The following GRIN2B variants were observed in gnomAD, a reference collection of about 807,000 sequenced individuals.
GRIN2B encodes glutamate receptor ionotropic, NMDA 2B.
Under a neutral mutation model 114.5 loss-of-function variants are expected in GRIN2B, and 5 were observed. That is an observed-to-expected ratio of 0.04 (90% CI 0.02 to 0.09). GRIN2B has a LOEUF of 0.09. Ranked by LOEUF, GRIN2B falls within the 10% of genes least tolerant of loss-of-function variation. GRIN2B has a pLI of 1.00. For missense variants in GRIN2B, 1,108 were observed against 1,943.5 expected (o/e 0.57, Z 8.08); for synonymous variants, 787 against 745.1 (o/e 1.06, Z -0.92).
intron 3 of GRIN2B, among the ~76,000 whole-genome samples, chr12:13,821,720 C>CCA (rs1476720566): frequency 6.6e-6 from 1 of 152,126 alleles, no homozygotes; most frequent in Non-Finnish European, 1.5e-5. Flanking sequence ...TCTTTTGGAG[C>CCA]CACATATGAT....
intron 4 of GRIN2B, among the ~76,000 whole-genome samples, chr12:13,748,953 C>T (rs1043123299): frequency 6.6e-6 from 1 of 152,176 alleles, no homozygotes; most frequent in Non-Finnish European, 1.5e-5. Flanking sequence ...TCAAATTTAA[C>T]TTGGCTTAAG....
chr12:13,925,140 G>A (rs151216345), intron 2 of GRIN2B, among the ~76,000 whole-genome samples: 4 of 152,256 alleles, frequency 2.6e-5, no homozygotes, highest in East Asian at 3.9e-4. Flanking sequence ...TGGCTGAAGC[G>A]CCAGTGTTGC....
intron 3 of GRIN2B, among the ~76,000 whole-genome samples, chr12:13,828,613 T>C (rs1210951100): frequency 6.6e-6 from 1 of 152,182 alleles, no homozygotes; most frequent in Non-Finnish European, 1.5e-5. Context: ...GTCCTGGAAT[T>C]ATCTCCAGGT....
chr12:13,808,112 A>G (rs1331051783), intron 3 of GRIN2B, among the ~76,000 whole-genome samples: 1 of 152,162 alleles, frequency 6.6e-6, no homozygotes, highest in East Asian at 1.9e-4. Context: ...TGAGAAAGCC[A>G]TAAAGATTGC....
intron 3 of GRIN2B, among the ~76,000 whole-genome samples, chr12:13,817,332 T>C (rs1864844610): frequency 2.8e-5 from 3 of 108,268 alleles, no homozygotes; most frequent in African/African-American, 8.1e-5. Flanking sequence ...CAACGCCCAC[T>C]GACTGGGAGC....
chr12:13,796,488 G>A (rs1005917396), intron 3 of GRIN2B, among the ~76,000 whole-genome samples: 2 of 152,184 alleles, frequency 1.3e-5, no homozygotes, highest in African/African-American at 4.8e-5. Context: ...CACCAGACAA[G>A]CCTTTCCCCA....
Position 13,879,531 on chromosome 12 carries a change from AAAT to A in GRIN2B, c.-18-13308_-18-13306del, listed in dbSNP as rs1329804930. 2.0e-5 allele frequency among the ~76,000 whole-genome samples: 3 copies of A among 152,196 alleles called. No individual in the cohort carries two copies. In the East Asian group the frequency reaches 5.8e-4, roughly 29 times the overall value. ...AATTAGAATTAGTAAAAAAAAAAAAAAATGAGAACTGTTTGTGAATCTTTTCCT... is the reference window on the plus strand; with the variant it reads ...AATTAGAATTAGTAAAAAAAAAAAAAGAGAACTGTTTGTGAATCTTTTCCT... On this transcript the variant is annotated intron_variant, in intron 2 of 13. Coordinates refer to ENST00000609686, the MANE Select transcript of GRIN2B (RefSeq NM_000834.5).
intron 10 of GRIN2B, among the ~76,000 whole-genome samples, chr12:13,576,460 T>TATC (rs1948778310): frequency 6.6e-6 from 1 of 152,148 alleles, no homozygotes; most frequent in African/African-American, 2.4e-5. Context: ...AAGCCTAATA[T>TATC]ATCAGGGAGC....
In GRIN2B at chr12:13,635,977, G is replaced by A. The variant is rs566134422; in HGVS notation, c.1126-19320C>T. Among the ~76,000 whole-genome samples, 31 of 152,234 alleles carry A rather than the reference G, an allele frequency of 2.0e-4. No homozygotes were observed. The South Asian group carries it at 6.4e-3, about 32-fold the overall frequency. On this transcript the variant is annotated intron_variant, in intron 5 of 13. Transcript: ENST00000609686. ...CTGCCCTCCAGAACATTCTAGTGAG[G>A]GAGAAAGACAATAAACAAATATATA...
chr12:13,643,316 C>T (rs1278183926), intron 5 of GRIN2B, among the ~76,000 whole-genome samples: 1 of 152,098 alleles, frequency 6.6e-6, no homozygotes, highest in Non-Finnish European at 1.5e-5. Context: ...TTTCCAAGTG[C>T]ATATAAAAGT....
chr12:13,873,184 T>A (rs1276526109), intron 2 of GRIN2B, among the ~76,000 whole-genome samples: 2 of 152,200 alleles, frequency 1.3e-5, no homozygotes, highest in Non-Finnish European at 2.9e-5. Flanking sequence ...ATTAAAGTTT[T>A]AAGTTATACC....
At chr12:13,915,785 C>T (rs149997067) in intron 2 of GRIN2B, among the ~76,000 whole-genome samples, 2 of 152,244 alleles carry the variant, frequency 1.3e-5, no homozygotes, top group African/African-American at 4.8e-5. Context: ...CCAGACAAGA[C>T]ATCTGAAACT....
chr12:13,774,979 AATGATGATGATG>A (rs75004247), intron 3 of GRIN2B, among the ~76,000 whole-genome samples: 1 of 151,580 alleles, frequency 6.6e-6, no homozygotes, highest in Non-Finnish European at 1.5e-5. Flanking sequence ...GGAGAGGTAA[AATGATGATGATG>A]ATGATGATGA....
chr12:13,707,720 A>G (rs915383473), intron 4 of GRIN2B, among the ~76,000 whole-genome samples: 2 of 152,138 alleles, frequency 1.3e-5, no homozygotes, highest in African/African-American at 2.4e-5. Context: ...ATGTGCAGAT[A>G]TACAAAACAC....
intron 10 of GRIN2B, among the ~76,000 whole-genome samples, chr12:13,575,743 A>AGT: frequency 6.6e-6 from 1 of 152,102 alleles, no homozygotes; most frequent in South Asian, 2.1e-4. Context: ...GAAGAAGGGA[A>AGT]GTGCTGGTTT....
chr12:13,651,195 A>G (rs1429429154), intron 5 of GRIN2B, among the ~76,000 whole-genome samples: 1 of 152,132 alleles, frequency 6.6e-6, no homozygotes, highest in Non-Finnish European at 1.5e-5. Flanking sequence ...CCCAAGGTCT[A>G]GTACCTCAGG....
chr12:13,700,668 T>C (rs1160958239), intron 4 of GRIN2B, among the ~76,000 whole-genome samples: 1 of 152,134 alleles, frequency 6.6e-6, no homozygotes, highest in East Asian at 1.9e-4. Flanking sequence ...GTACCCCACC[T>C]TGGGAGTGGA....
chr12:13,836,585 T>C (rs1865270171), intron 3 of GRIN2B, among the ~76,000 whole-genome samples: 2 of 152,242 alleles, frequency 1.3e-5, no homozygotes, highest in Admixed American at 1.3e-4. Flanking sequence ...ATGCACTTAA[T>C]GTTCAGCATT....
intron 10 of GRIN2B, 40 bp from the exon 11 acceptor site, chr12:13,572,004 G>A (rs1948715069): frequency 6.8e-7 from 1 of 1,478,846 alleles, no homozygotes; most frequent in Middle Eastern, 1.7e-4. Flanking sequence ...GCGGGAGATG[G>A]AGGGAGAGAG....
Sources: gnomAD v4.1 joint callset for allele counts (sites outside exome capture counted in the v4.1 genomes callset) on GRCh38, gnomAD v4.1.1 for gene constraint, MANE v1.5 for transcripts, NCBI Gene and HGNC (gene_info 2026-07-23, HGNC 2026-07-21) for gene names.